The following CTNNA3 variants were observed in gnomAD, a reference collection of about 807,000 sequenced individuals.
The protein encoded by CTNNA3 is catenin alpha-3.
A neutral mutation model predicts 95.7 loss-of-function variants in CTNNA3; 76 were observed. That is an observed-to-expected ratio of 0.79 (90% CI 0.66 to 0.96). CTNNA3 has a LOEUF of 0.96. CTNNA3 is among the 40% of genes least tolerant of loss of function. The pLI is 0.00. For synonymous variants in CTNNA3, 431 were observed against 374.4 expected, an observed-to-expected ratio of 1.15 and a Z score of -1.74; for missense variants, 1,191 against 1,089.8, an observed-to-expected ratio of 1.09 and a Z score of -1.31.
In CTNNA3 at chr10:67,038,502, T is replaced by C. The variant is rs531080518; in HGVS notation, c.1047+141815A>G. Reference sequence around the variant, plus strand: ...GCTCAGGAAAAGGACAACTCATTTATGAAAATGAGGTTGATATATATTCTG... The same window carrying C: ...GCTCAGGAAAAGGACAACTCATTTACGAAAATGAGGTTGATATATATTCTG... On this transcript the variant is annotated intron_variant, in intron 7 of 17. Coordinates refer to ENST00000433211, the MANE Select transcript of CTNNA3 (RefSeq NM_013266.4). Among the ~76,000 whole-genome samples the C allele has an allele frequency of 1.5e-3, 224 of 152,212 alleles. 2 individuals are homozygous for C. Among genetic ancestry groups the C allele is most frequent in the Admixed American group, 2.9e-3 (44 of 15,288 alleles).
chr10:66,422,636 T>C (rs2093205320), intron 11 of CTNNA3, among the ~76,000 whole-genome samples: 1 of 152,164 alleles, frequency 6.6e-6, no homozygotes, highest in African/African-American at 2.4e-5. Flanking sequence ...GTAGGATGAA[T>C]TGGTTCTAGA....
At chr10:66,099,879 A>C (rs557760915) in intron 14 of CTNNA3, among the ~76,000 whole-genome samples, 28 of 152,276 alleles carry the variant, frequency 1.8e-4, no homozygotes, top group Non-Finnish European at 3.5e-4. Context: ...GTAAACTGAC[A>C]TGTGGCAATC....
At chr10:67,119,606 T>C (rs1859360977) in intron 7 of CTNNA3, among the ~76,000 whole-genome samples, 1 of 151,976 alleles carries the variant, frequency 6.6e-6, no homozygotes, top group Non-Finnish European at 1.5e-5. Context: ...GTGTGACAAT[T>C]CTGTTAATTT....
intron 7 of CTNNA3, among the ~76,000 whole-genome samples, chr10:66,999,961 C>T (rs1403167224): frequency 6.6e-6 from 1 of 152,156 alleles, no homozygotes; most frequent in African/African-American, 2.4e-5. Flanking sequence ...CCAGTCACTG[C>T]TCTGTCAGCT....
chr10:66,465,024 G>A (rs1361441680), intron 11 of CTNNA3, among the ~76,000 whole-genome samples: 2 of 152,116 alleles, frequency 1.3e-5, no homozygotes, highest in Non-Finnish European at 2.9e-5. Flanking sequence ...GAAATAGGGT[G>A]CGGACATAGA....
At chr10:66,671,549 A>G (rs755142054) in intron 9 of CTNNA3, among the ~76,000 whole-genome samples, 1 of 152,202 alleles carries the variant, frequency 6.6e-6, no homozygotes, top group Non-Finnish European at 1.5e-5. Context: ...ATTTTAAAGT[A>G]CTTTTGAATT....
At chr10:66,242,366 A>G (rs2132042043) in intron 13 of CTNNA3, among the ~76,000 whole-genome samples, 1 of 152,322 alleles carries the variant, frequency 6.6e-6, no homozygotes, top group African/African-American at 2.4e-5. Flanking sequence ...TTATTAAAAG[A>G]CACCATTAAG....
intron 7 of CTNNA3, among the ~76,000 whole-genome samples, chr10:66,947,997 A>C (rs1018525507): frequency 4.6e-5 from 7 of 152,242 alleles, no homozygotes; most frequent in Non-Finnish European, 1.0e-4. Flanking sequence ...CTTGTATAGC[A>C]AGTTACTGTA....
chr10:67,478,018 G>A (rs9988789), intron 5 of CTNNA3, among the ~76,000 whole-genome samples: 1 of 152,088 alleles, frequency 6.6e-6, no homozygotes, highest in Admixed American at 6.5e-5. Flanking sequence ...TTGAAAACTT[G>A]CTTAAGAAAT....
intron 15 of CTNNA3, among the ~76,000 whole-genome samples, chr10:66,046,047 A>G (rs1480787119): frequency 1.3e-5 from 2 of 152,144 alleles, no homozygotes; most frequent in African/African-American, 4.8e-5. Context: ...CAATGCCCTC[A>G]ACTGAAACAT....
intron 10 of CTNNA3, among the ~76,000 whole-genome samples, chr10:66,574,244 A>G (rs1842944066): frequency 6.6e-6 from 1 of 152,064 alleles, no homozygotes; most frequent in East Asian, 1.9e-4. Context: ...AGAAAGGAAG[A>G]AAAAAGGAAA....
chr10:67,384,539 A>G (rs1844071008), intron 5 of CTNNA3, among the ~76,000 whole-genome samples: 1 of 152,176 alleles, frequency 6.6e-6, no homozygotes, highest in Non-Finnish European at 1.5e-5. Context: ...CTACTTACAC[A>G]CACACCACCC....
chr10:65,989,113 G>A (rs947476908), intron 15 of CTNNA3, among the ~76,000 whole-genome samples: 1 of 152,044 alleles, frequency 6.6e-6, no homozygotes, highest in South Asian at 2.1e-4. Flanking sequence ...GCTAATTTTT[G>A]TATTTTTAGT....
At chr10:66,563,084 A>G (rs1272854249) in intron 10 of CTNNA3, among the ~76,000 whole-genome samples, 1 of 152,158 alleles carries the variant, frequency 6.6e-6, no homozygotes, top group East Asian at 1.9e-4. Flanking sequence ...AGGTGACCAC[A>G]TAGCACTCAA....
chr10:67,166,692 G>A (rs78081477), intron 7 of CTNNA3, among the ~76,000 whole-genome samples: 1 of 152,158 alleles, frequency 6.6e-6, no homozygotes, highest in East Asian at 1.9e-4. Flanking sequence ...TACATTTGTT[G>A]TTAGGGTAAT....
chr10:67,727,524 TTATG>T (rs1387485955), intron 1 of CTNNA3, among the ~76,000 whole-genome samples: 1 of 131,140 alleles, frequency 7.6e-6, no homozygotes, highest in Non-Finnish European at 1.6e-5. Context: ...ATATCATATA[TTATG>T]TAACATATTA....
Position 67,628,042 on chromosome 10 carries a change from AAGAG to A in CTNNA3, c.99+19369_99+19372del, listed in dbSNP as rs1264968665. 8.6e-5 allele frequency among the ~76,000 whole-genome samples: 10 copies of A among 116,084 alleles called. 1 individual carries two copies. Among genetic ancestry groups the A allele is most frequent in the Admixed American group, 6.0e-4 (7 of 11,632 alleles). The allele number at this position is 116,084 out of a possible 152,430, so 76.2% of individuals were successfully genotyped here. A position where few individuals can be genotyped will look rare whatever the true frequency, so the allele number is the denominator to read the frequency against. ...ACTAAATGGGTATAGAAAGTTGAGA[AAGAG>A]AGAATTTCAAAATAATTAAGGTGAA... On this transcript the variant is annotated intron_variant, in intron 2 of 17. Transcript: ENST00000433211.
At chr10:67,739,585 G>C (rs1185450745) in intron 1 of CTNNA3, among the ~76,000 whole-genome samples, 1 of 151,698 alleles carries the variant, frequency 6.6e-6, no homozygotes, top group East Asian at 1.9e-4. Context: ...AAATACCTAG[G>C]AATCCACCTT....
chr10:66,574,965 C>A (rs1304703141), intron 10 of CTNNA3, among the ~76,000 whole-genome samples: 1 of 151,972 alleles, frequency 6.6e-6, no homozygotes, highest in Non-Finnish European at 1.5e-5. Flanking sequence ...TATTCAAGAA[C>A]CTAGAAAAAA....
Sources: gnomAD v4.1 joint callset for allele counts (sites outside exome capture counted in the v4.1 genomes callset) on GRCh38, gnomAD v4.1.1 for gene constraint, MANE v1.5 for transcripts, NCBI Gene and HGNC (gene_info 2026-07-23, HGNC 2026-07-21) for gene names.